HIPK2: variants seen among roughly 807,000 people sequenced by gnomAD.
HIPK2 encodes homeodomain-interacting protein kinase 2.
In HIPK2, 27 loss-of-function variants were observed where a neutral mutation model predicts 113.7. The observed-to-expected ratio is 0.24, with a 90% CI of 0.17 to 0.33. The LOEUF (loss-of-function observed/expected upper bound fraction) is 0.33. Ranked by LOEUF, HIPK2 falls within the 10% of genes least tolerant of loss-of-function variation. HIPK2 has a pLI of 1.00. For synonymous variants in HIPK2, 631 were observed against 642.2 expected (o/e 0.98, Z 0.26); for missense variants, 1,257 against 1,588.0 (o/e 0.79, Z 3.54).
intron 1 of HIPK2, among the ~76,000 whole-genome samples, chr7:139,765,580 T>C (rs1227780702): frequency 2.0e-5 from 3 of 152,250 alleles, no homozygotes; most frequent in Admixed American, 6.5e-5. Context: ...CCCAGAACAC[T>C]GAATGTATTT....
intron 1 of HIPK2, among the ~76,000 whole-genome samples, chr7:139,731,501 C>T (rs544028819): frequency 6.6e-6 from 1 of 152,212 alleles, no homozygotes; most frequent in East Asian, 1.9e-4. Flanking sequence ...CTTTTCTAAA[C>T]CTCAACTTCT....
intron 1 of HIPK2, among the ~76,000 whole-genome samples, chr7:139,742,008 C>T (rs1288524027): frequency 6.6e-6 from 1 of 152,180 alleles, no homozygotes; most frequent in Admixed American, 6.5e-5. Context: ...ATTCGCTCCC[C>T]CAAGGTCATG....
rs142488604 is a variant in HIPK2 at position 139,610,502 on chromosome 7, T to C, written c.2112+2700A>G. 5.3e-4 allele frequency among the ~76,000 whole-genome samples: 81 copies of C among 152,232 alleles called. No homozygotes were observed. The East Asian group carries it at 0.012, about 23-fold the overall frequency. ...AATAAAAGGAAGCTACAAGGACCCATTGGAGAGAGAGGAACGAAGAGAAGG... is the reference window on the plus strand; with the variant it reads ...AATAAAAGGAAGCTACAAGGACCCACTGGAGAGAGAGGAACGAAGAGAAGG... On this transcript the variant is annotated intron_variant, in intron 9 of 14. Coordinates refer to ENST00000406875, the MANE Select transcript of HIPK2 (RefSeq NM_022740.5).
chr7:139,755,376 C>A (rs760511006), intron 1 of HIPK2, among the ~76,000 whole-genome samples: 2 of 152,030 alleles, frequency 1.3e-5, no homozygotes, highest in African/African-American at 4.8e-5. Flanking sequence ...GTTAACCAGT[C>A]AGTCAGTTTT....
At chr7:139,612,000 G>C (rs925574796) in intron 9 of HIPK2, among the ~76,000 whole-genome samples, 3 of 151,988 alleles carry the variant, frequency 2.0e-5, no homozygotes, top group Non-Finnish European at 2.9e-5. Context: ...TCTTATGAAA[G>C]AGTGATGTTA....
rs369140708 is a variant in HIPK2 at position 139,731,709 on chromosome 7, A to G, written c.20-14694T>C. ...CAGTGATGCCGGGGATGTGAGATGC[A>G]GATAACCCTTTCCCCCAGGCTCTCT... On this transcript the variant is annotated intron_variant, in intron 1 of 14. Transcript: ENST00000406875. Among the ~76,000 whole-genome samples the G allele has an allele frequency of 5.1e-4, 78 of 152,240 alleles. No homozygotes were observed. In the Middle Eastern group the frequency reaches 9.5e-3, roughly 19 times the overall value.
intron 1 of HIPK2, among the ~76,000 whole-genome samples, chr7:139,731,447 C>T (rs1386182814): frequency 6.6e-6 from 1 of 152,222 alleles, no homozygotes; most frequent in African/African-American, 2.4e-5. Context: ...TCATCAGTGA[C>T]GTCCACAGTT....
intron 2 of HIPK2, among the ~76,000 whole-genome samples, chr7:139,678,041 T>A (rs1205475648): frequency 6.6e-6 from 1 of 152,250 alleles, no homozygotes; most frequent in Non-Finnish European, 1.5e-5. Flanking sequence ...TCTGTTCATA[T>A]CCTTCGGCCA....
intron 12 of HIPK2, among the ~76,000 whole-genome samples, chr7:139,588,807 G>A (rs1002057460): frequency 2.6e-5 from 4 of 152,136 alleles, no homozygotes; most frequent in Non-Finnish European, 5.9e-5. Flanking sequence ...AGTCTCTTGT[G>A]TAATAAGGGA....
rs1475085027 is a variant in HIPK2, at chr7:139,613,506, A to G, written c.1991-183T>C. 2.1e-5 allele frequency: 5 copies of G among 242,102 alleles called. No homozygotes were observed. The highest frequency in any genetic ancestry group is 3.3e-5 in the Non-Finnish European group (5 of 150,474). 15.0% of individuals were successfully genotyped at this position (242,102 alleles called of 1,614,324 possible). A position where few individuals can be genotyped will look rare whatever the true frequency, so the allele number is the denominator to read the frequency against. ...TTGGCTTCTAACAAATTAAAAAACA[A>G]AACTCCTCCTGAAATCTTGAATGTC... On this transcript the variant is annotated intron_variant, in intron 8 of 14. Coordinates refer to ENST00000406875, the MANE Select transcript of HIPK2 (RefSeq NM_022740.5). The surrounding 1 kb of genome is among the most constrained non-coding windows in gnomAD (Gnocchi z 4.2).
At chr7:139,620,370 C>T (rs376089080) in intron 7 of HIPK2, 31 bp downstream of exon 7, 86 of 1,612,692 alleles carry the variant, frequency 5.3e-5, no homozygotes, top group African/African-American at 2.1e-4. Context: ...TGTGCAGCCC[C>T]GCCTCTCCTT....
At chr7:139,620,141 A>T (rs1176548071) in intron 7 of HIPK2, among the ~76,000 whole-genome samples, 2 of 152,130 alleles carry the variant, frequency 1.3e-5, no homozygotes, top group African/African-American at 4.8e-5. Context: ...CCACATCAGG[A>T]CAGAGGAAAG....
chr7:139,760,992 G>C (rs148159647), intron 1 of HIPK2, among the ~76,000 whole-genome samples: 1 of 152,268 alleles, frequency 6.6e-6, no homozygotes, highest in Non-Finnish European at 1.5e-5. Flanking sequence ...TAACAAAAGA[G>C]TAATGATTAG....
chr7:139,659,545 G>A (rs1426352991), intron 2 of HIPK2, among the ~76,000 whole-genome samples: 1 of 152,196 alleles, frequency 6.6e-6, no homozygotes, highest in Non-Finnish European at 1.5e-5. Flanking sequence ...TAGTGTCCCA[G>A]GTCTGGACTC....
rs759698867 is a variant in HIPK2, at chr7:139,626,628, T to G, written c.1592A>C (p.His531Pro). The change falls in exon 6 of 15, where the codon CAC becomes CCC. Residue 531 changes from histidine (H) to proline (P), a missense_variant. Physicochemically the swap from His to Pro is moderately conservative, Grantham distance 77. Transcript: ENST00000406875. Reference protein sequence around the residue: ...TLNHPFVTMTHLLDFPHSTHV... With the variant: ...TLNHPFVTMTPLLDFPHSTHV... ...TGTGCTGTGGGGAAAATCGAGTAAG[T>G]GTGTCATGGTGACAAAGGGATGGTT... 5.6e-6 allele frequency: 9 copies of G among 1,613,916 alleles called. No homozygotes were observed. In the South Asian group the frequency reaches 9.9e-5, roughly 18 times the overall value.
chr7:139,589,279 C>G (rs1798938081), intron 12 of HIPK2, among the ~76,000 whole-genome samples: 1 of 152,098 alleles, frequency 6.6e-6, no homozygotes, highest in Non-Finnish European at 1.5e-5. Flanking sequence ...TAGGAATGGT[C>G]TAGCCCTAAT....
At chr7:139,727,100 A>T (rs1324969421) in intron 1 of HIPK2, among the ~76,000 whole-genome samples, 1 of 152,198 alleles carries the variant, frequency 6.6e-6, no homozygotes, top group East Asian at 1.9e-4. Flanking sequence ...GTGGAAATGG[A>T]GTCCCCGTGG....
intron 2 of HIPK2, among the ~76,000 whole-genome samples, chr7:139,642,021 A>G (rs1801043824): frequency 6.6e-6 from 1 of 152,232 alleles, no homozygotes; most frequent in African/African-American, 2.4e-5. Context: ...CAGAATTATA[A>G]AACAGTTTAA....
At chr7:139,744,375 T>C (rs1474150458) in intron 1 of HIPK2, among the ~76,000 whole-genome samples, 1 of 152,080 alleles carries the variant, frequency 6.6e-6, no homozygotes, top group African/African-American at 2.4e-5. Flanking sequence ...GGCAAACCCA[T>C]AGAGACAGAA....
Sources: allele counts gnomAD v4.1 joint callset (sites outside exome capture counted in the v4.1 genomes callset), GRCh38; gene constraint gnomAD v4.1.1; non-coding constraint Gnocchi (gnomAD v3.1); transcripts MANE v1.5; gene names NCBI Gene and HGNC (gene_info 2026-07-23, HGNC 2026-07-21).